The following TRAPPC8 variants were observed in gnomAD, a reference collection of about 807,000 sequenced individuals.
TRAPPC8 encodes general sporulation gene 1 homolog.
TRAPPC8 carries 54 observed loss-of-function variants against 174.3 expected under a neutral mutation model. That is an observed-to-expected ratio of 0.31 (90% confidence interval 0.25 to 0.39). The LOEUF is 0.39. Among genes scored for constraint, TRAPPC8 ranks in the 10% least tolerant of loss-of-function variants. TRAPPC8 has a pLI of 1.00. For synonymous variants in TRAPPC8, 630 were observed against 579.9 expected, an observed-to-expected ratio of 1.09 and a Z score of -1.24; for missense variants, 1,531 against 1,699.1, an observed-to-expected ratio of 0.90 and a Z score of 1.74.
intron 4 of TRAPPC8, among the ~76,000 whole-genome samples, chr18:31,913,891 G>T (rs2037021632): frequency 6.6e-6 from 1 of 152,076 alleles, no homozygotes; most frequent in Admixed American, 6.6e-5. Flanking sequence ...CAAGTGTTTT[G>T]ACTCAGCGTG....
At chr18:31,915,700 T>C (rs1176309362) in intron 4 of TRAPPC8, among the ~76,000 whole-genome samples, 2 of 150,346 alleles carry the variant, frequency 1.3e-5, no homozygotes, top group East Asian at 2.0e-4. Context: ...ATCGAGACCA[T>C]GGTGAAACCC....
In TRAPPC8 at chr18:31,855,690, T is replaced by G; in HGVS notation, c.3306A>C (p.Leu1102=). 6.2e-7 allele frequency: 1 copy of G among 1,605,092 alleles called. No individual in the cohort carries two copies. Among genetic ancestry groups the G allele is most frequent in the South Asian group, 1.1e-5 (1 of 88,510 alleles). Reference sequence around the variant, plus strand: ...TGGTATTTTCCACATCCACAAAGACTAGCATATTGCCTCCTCTGCCTTCTT... The same window carrying G: ...TGGTATTTTCCACATCCACAAAGACGAGCATATTGCCTCCTCTGCCTTCTT... ...ENEEGRGGNM[L]VFVDVENTNT... The change falls in exon 21 of 29, where the codon CTA becomes CTC. Residue 1102 remains leucine (L), a synonymous_variant. Transcript: ENST00000283351.
At chr18:31,930,862 C>G (rs181785824) in intron 2 of TRAPPC8, among the ~76,000 whole-genome samples, 3 of 152,104 alleles carry the variant, frequency 2.0e-5, no homozygotes, top group Admixed American at 2.0e-4. Flanking sequence ...CCCCCTATCT[C>G]TATAAAAATT....
At position 31,890,502 on chromosome 18, in the gene TRAPPC8, A is replaced by G. The variant is rs576501373; in HGVS notation, c.1728+233T>C. ...AACCAAAATTTGGATAAAATTACAA[A>G]TTTTATAAATAAAAAAACCCCGAGG... On this transcript the variant is annotated intron_variant, in intron 12 of 28. Coordinates refer to ENST00000283351, the MANE Select transcript of TRAPPC8 (RefSeq NM_014939.5). Among the ~76,000 whole-genome samples, 5 of 152,282 alleles carry G rather than the reference A, an allele frequency of 3.3e-5. No individual in the cohort carries two copies. In the East Asian group the frequency reaches 7.7e-4, roughly 23 times the overall value.
At chr18:31,890,003 G>T (rs2035885381) in intron 12 of TRAPPC8, among the ~76,000 whole-genome samples, 2 of 152,118 alleles carry the variant, frequency 1.3e-5, no homozygotes, top group South Asian at 4.1e-4. Flanking sequence ...ATCTTTAAAA[G>T]ATCCTCATAT....
In TRAPPC8 at chr18:31,924,662, C is replaced by T. The variant is rs549517567; in HGVS notation, c.352+6667G>A. On this transcript the variant is annotated intron_variant, in intron 2 of 28. Coordinates refer to ENST00000283351, the MANE Select transcript of TRAPPC8 (RefSeq NM_014939.5). The stretch of plus-strand genomic sequence containing the variant: ...CTGAAGCAGGAGAATCGCTTGAACC[C>T]GGGACGTGGAGGTTGCAGTGAGCCA... 3.7e-5 allele frequency among the ~76,000 whole-genome samples: 5 copies of T among 136,264 alleles called. No homozygotes were observed. In the East Asian group the frequency reaches 6.6e-4, roughly 18 times the overall value. The allele number at this position is 136,264 out of a possible 152,430, so 89.4% of individuals were successfully genotyped here.
Position 31,930,974 on chromosome 18 carries a change from TAC to T in TRAPPC8, c.352+353_352+354del, listed in dbSNP as rs201173296. 8.1e-3 allele frequency among the ~76,000 whole-genome samples: 1,238 copies of T among 152,306 alleles called. 21 individuals are homozygous for T. The highest frequency in any genetic ancestry group is 0.029 in the African/African-American group (1,187 of 41,558). On this transcript the variant is annotated intron_variant, in intron 2 of 28. Transcript: ENST00000283351. Reference sequence around the variant, plus strand: ...AGTTAAAGACGTACTCACAACAGATTACATATTTACGCATTTTATAAACATTT... The same window carrying T: ...AGTTAAAGACGTACTCACAACAGATTATATTTACGCATTTTATAAACATTT...
rs557008031 is a variant in TRAPPC8 at position 31,836,294 on chromosome 18, C to CATGGCAGAA, written c.3983+3017_3983+3018insTTCTGCCAT. On this transcript the variant is annotated intron_variant, in intron 27 of 28. Coordinates refer to ENST00000283351, the MANE Select transcript of TRAPPC8 (RefSeq NM_014939.5). ...TATCCTTGAACCTGCCTTGTTTTCA[C>CATGGCAGAA]ATACTTCCATGCAGAGTTTTGATTT... Among the ~76,000 whole-genome samples, 400 of 152,316 alleles carry CATGGCAGAA rather than the reference C, an allele frequency of 2.6e-3. 2 individuals carry two copies. Among genetic ancestry groups the CATGGCAGAA allele is most frequent in the African/African-American group, 8.8e-3 (364 of 41,570 alleles).
intron 4 of TRAPPC8, among the ~76,000 whole-genome samples, chr18:31,913,857 CG>C (rs1256814333): frequency 6.6e-6 from 1 of 151,556 alleles, no homozygotes; most frequent in Admixed American, 6.6e-5. Flanking sequence ...AACTAGATTG[CG>C]GGGGGAACTA....
intron 2 of TRAPPC8, among the ~76,000 whole-genome samples, chr18:31,921,832 T>C (rs2037403444): frequency 1.3e-5 from 2 of 152,302 alleles, no homozygotes; most frequent in East Asian, 1.9e-4. Flanking sequence ...CAATTATATA[T>C]ATATTTAGAG....
intron 11 of TRAPPC8, among the ~76,000 whole-genome samples, chr18:31,892,528 T>C (rs146552304): frequency 6.6e-6 from 1 of 152,310 alleles, no homozygotes; most frequent in East Asian, 1.9e-4. Flanking sequence ...AACATTTGAA[T>C]AATTATTCAA....
chr18:31,942,960 T>G lies in TRAPPC8; in HGVS notation c.-196A>C. On this transcript the variant is annotated 5_prime_UTR_variant, in exon 1 of 29. Coordinates refer to ENST00000283351, the MANE Select transcript of TRAPPC8 (RefSeq NM_014939.5). ...GGGCACAATCCACTGACCCCCCCCT[T>G]CCCGTCACCGCCGCTTCTCAGCGCT... 9.0e-7 allele frequency: 1 copy of G among 1,116,418 alleles called. No homozygotes were observed. Among genetic ancestry groups the G allele is most frequent in the Non-Finnish European group, 1.1e-6 (1 of 881,066 alleles). The allele number at this position is 1,116,418 out of a possible 1,614,324, so 69.2% of individuals were successfully genotyped here.
At chr18:31,881,418 C>T (rs935730884) in intron 12 of TRAPPC8, among the ~76,000 whole-genome samples, 1 of 152,072 alleles carries the variant, frequency 6.6e-6, no homozygotes, top group Non-Finnish European at 1.5e-5. Context: ...ATAAATGGTG[C>T]TGGGATAACT....
chr18:31,914,729 A>C (rs1341716104), intron 4 of TRAPPC8, among the ~76,000 whole-genome samples: 1 of 152,216 alleles, frequency 6.6e-6, no homozygotes, highest in African/African-American at 2.4e-5. Context: ...ACAAAACATT[A>C]ATCTGCTCCA....
intron 2 of TRAPPC8, among the ~76,000 whole-genome samples, chr18:31,930,138 T>A (rs11081725): frequency 0.25 from 37,968 of 150,428 alleles, 5,281 homozygotes; most frequent in South Asian, 0.52. Context: ...TTTTTTTTTT[T>A]AAACAGAGTC....
At chr18:31,894,276 G>T (rs961731781) in intron 11 of TRAPPC8, among the ~76,000 whole-genome samples, 1 of 152,136 alleles carries the variant, frequency 6.6e-6, no homozygotes, top group Non-Finnish European at 1.5e-5. Context: ...ACATTGTTTT[G>T]AGAGGAGGAA....
intron 4 of TRAPPC8, among the ~76,000 whole-genome samples, chr18:31,915,818 C>T (rs1235155945): frequency 1.0e-4 from 15 of 149,234 alleles, no homozygotes; most frequent in East Asian, 4.0e-4. Flanking sequence ...ACCCAGGAAG[C>T]GGAGCTTGCA....
In TRAPPC8 at chr18:31,916,462, A is replaced by G; in HGVS notation, c.443-16T>C. On this transcript the variant is annotated splice_polypyrimidine_tract_variant and intron_variant, in intron 3 of 28. Transcript: ENST00000283351. Reference sequence around the variant, plus strand: ...ACCAACATACCTTGTAAACCATATTATTAAGGTAATTATCGCTTATTACTC... The same window carrying G: ...ACCAACATACCTTGTAAACCATATTGTTAAGGTAATTATCGCTTATTACTC... 1 of 1,594,232 alleles carries G rather than the reference A, an allele frequency of 6.3e-7. No individual in the cohort carries two copies. Among genetic ancestry groups the G allele is most frequent in the South Asian group, 1.1e-5 (1 of 87,016 alleles).
intron 5 of TRAPPC8, among the ~76,000 whole-genome samples, chr18:31,912,683 A>G (rs1231443466): frequency 6.6e-6 from 1 of 151,968 alleles, no homozygotes; most frequent in Non-Finnish European, 1.5e-5. Flanking sequence ...AAGAAAAAGA[A>G]AAATGTAGGG....
Sources: allele counts gnomAD v4.1 joint callset (sites outside exome capture counted in the v4.1 genomes callset), GRCh38; gene constraint gnomAD v4.1.1; transcripts MANE v1.5; gene names NCBI Gene and HGNC (gene_info 2026-07-23, HGNC 2026-07-21).